PARD3B: variants seen among roughly 807,000 people sequenced by gnomAD.
PARD3B encodes the protein partitioning defective 3 homolog B.
In PARD3B, 103 loss-of-function variants were observed where a neutral mutation model predicts 130.2. That is an observed-to-expected ratio of 0.79 (90% CI 0.67 to 0.93). PARD3B has a LOEUF of 0.93. Ranked by LOEUF, PARD3B falls within the 40% of genes least tolerant of loss-of-function variation. PARD3B has a pLI of 0.00. For missense variants in PARD3B, 1,609 were observed against 1,499.2 expected (o/e 1.07, Z -1.21); for synonymous variants, 583 against 553.2 (o/e 1.05, Z -0.76).
chr2:204,933,776 A>C (rs1050356564), intron 2 of PARD3B, among the ~76,000 whole-genome samples: 2 of 152,082 alleles, frequency 1.3e-5, no homozygotes, highest in Non-Finnish European at 2.9e-5. Context: ...ACTTCAAGTT[A>C]CTTCTCTCTT....
At chr2:205,107,807 T>A (rs548268051) in intron 5 of PARD3B, among the ~76,000 whole-genome samples, 1 of 152,346 alleles carries the variant, frequency 6.6e-6, no homozygotes, top group South Asian at 2.1e-4. Context: ...GAAGCACCAC[T>A]CAACTTATTT....
At chr2:204,845,205 A>G (rs2044411014) in intron 2 of PARD3B, among the ~76,000 whole-genome samples, 1 of 152,174 alleles carries the variant, frequency 6.6e-6, no homozygotes, top group Admixed American at 6.6e-5. Flanking sequence ...TAAAAAGTGT[A>G]TGTAGCCACC....
At chr2:205,331,596 A>G (rs1382169622) in intron 18 of PARD3B, among the ~76,000 whole-genome samples, 2 of 151,912 alleles carry the variant, frequency 1.3e-5, no homozygotes, top group Non-Finnish European at 1.5e-5. Context: ...AGGCTGGCCA[A>G]CATGACAAAA....
intron 1 of PARD3B, among the ~76,000 whole-genome samples, chr2:204,657,226 T>C (rs187545196): frequency 1.3e-5 from 2 of 152,324 alleles, no homozygotes; most frequent in East Asian, 3.9e-4. Context: ...TACTTAACCA[T>C]ACATTAAGAA....
At chr2:205,148,776 A>G (rs1196743700) in intron 10 of PARD3B, among the ~76,000 whole-genome samples, 1 of 152,198 alleles carries the variant, frequency 6.6e-6, no homozygotes, top group African/African-American at 2.4e-5. Flanking sequence ...GTAATTGACA[A>G]AATGATTGCA....
intron 22 of PARD3B, among the ~76,000 whole-genome samples, chr2:205,603,623 T>A (rs2054875194): frequency 6.6e-6 from 1 of 152,226 alleles, no homozygotes; most frequent in South Asian, 2.1e-4. Context: ...TTTGTCTTTT[T>A]TATCTTTCTT....
chr2:204,999,670 A>G lies in PARD3B; in HGVS notation c.394+34347A>G, dbSNP rs544825548. On this transcript the variant is annotated intron_variant, in intron 3 of 22. Coordinates refer to ENST00000406610, the MANE Select transcript of PARD3B (RefSeq NM_001302769.2). ...CATTAAAGTGGTCTTCTTAATTGCTATAATATTCACAAGGAGCCTATTGGA... is the reference window on the plus strand; with the variant it reads ...CATTAAAGTGGTCTTCTTAATTGCTGTAATATTCACAAGGAGCCTATTGGA... Among the ~76,000 whole-genome samples, 7 of 152,330 alleles carry G rather than the reference A, an allele frequency of 4.6e-5. No homozygotes were observed. The East Asian group carries it at 7.7e-4, about 17-fold the overall frequency.
intron 1 of PARD3B, among the ~76,000 whole-genome samples, chr2:204,632,793 G>A (rs138829167): frequency 2.3e-4 from 35 of 152,294 alleles, no homozygotes; most frequent in African/African-American, 6.3e-4. Flanking sequence ...TCCTGGGTGG[G>A]CCATCACCCC....
chr2:205,223,488 G>T (rs1319027436), intron 15 of PARD3B, among the ~76,000 whole-genome samples: 1 of 152,158 alleles, frequency 6.6e-6, no homozygotes, highest in Non-Finnish European at 1.5e-5. Flanking sequence ...AGACCTGACG[G>T]CTGACTGGCT....
rs1215221508 is a variant in PARD3B at position 205,291,465 on chromosome 2, T to TA, written c.2186-9064dup. Among the ~76,000 whole-genome samples the TA allele has an allele frequency of 6.6e-6, 1 of 152,234 alleles. No individual in the cohort carries two copies. Among genetic ancestry groups the TA allele is most frequent in the East Asian group, 1.9e-4 (1 of 5,196 alleles). The stretch of plus-strand genomic sequence containing the variant: ...AAACTGGAGAAAAGACCATCCTCGA[T>TA]ATAAAGTAGCAAAGAACTTTGCTGA... On this transcript the variant is annotated intron_variant, in intron 16 of 22. Coordinates refer to ENST00000406610, the MANE Select transcript of PARD3B (RefSeq NM_001302769.2). The surrounding 1 kb of genome is among the most constrained non-coding windows in gnomAD (Gnocchi z 4.6).
chr2:205,601,738 CAT>C (rs1390078182), intron 22 of PARD3B, among the ~76,000 whole-genome samples: 8 of 151,880 alleles, frequency 5.3e-5, no homozygotes. Flanking sequence ...TTTCCCAGCA[CAT>C]TTATTAAATA....
chr2:204,563,394 T>TG lies in PARD3B; in HGVS notation c.120+17282dup, dbSNP rs566184192. On this transcript the variant is annotated intron_variant, in intron 1 of 22. Coordinates refer to ENST00000406610, the MANE Select transcript of PARD3B (RefSeq NM_001302769.2). The stretch of plus-strand genomic sequence containing the variant: ...ATAAGGTCACATTCATAGGTATGGG[T>TG]GGGGGGGACTGGGATCTCAACATAC... 8.3e-5 allele frequency among the ~76,000 whole-genome samples: 12 copies of TG among 145,126 alleles called. No individual in the cohort carries two copies. The East Asian group carries it at 1.4e-3, about 17-fold the overall frequency.
rs566255137 is a variant in PARD3B at position 204,783,283 on chromosome 2, G to C, written c.222+97001G>C. On this transcript the variant is annotated intron_variant, in intron 2 of 22. Coordinates refer to ENST00000406610, the MANE Select transcript of PARD3B (RefSeq NM_001302769.2). The stretch of plus-strand genomic sequence containing the variant: ...GTATATTAGTCAGGAATAGTTGTTG[G>C]TAATGCTTCTTTTTCTGACTTGTAG... Among the ~76,000 whole-genome samples, 6 of 152,192 alleles carry C rather than the reference G, an allele frequency of 3.9e-5. No homozygotes were observed. The South Asian group carries it at 1.2e-3, about 32-fold the overall frequency.
At chr2:205,056,493 T>A (rs1347973001) in intron 4 of PARD3B, among the ~76,000 whole-genome samples, 1 of 152,088 alleles carries the variant, frequency 6.6e-6, no homozygotes. Context: ...TGATGTCTGA[T>A]TAAATGATCG....
Position 205,158,578 on chromosome 2 carries a change from C to G in PARD3B, c.1435-144C>G. 1.3e-6 allele frequency: 1 copy of G among 791,696 alleles called. No individual in the cohort carries two copies. The highest frequency in any genetic ancestry group is 1.9e-5 in the South Asian group (1 of 53,664). The allele number at this position is 791,696 out of a possible 1,614,324, so 49.0% of individuals were successfully genotyped here. On this transcript the variant is annotated intron_variant, in intron 10 of 22. Coordinates refer to ENST00000406610, the MANE Select transcript of PARD3B (RefSeq NM_001302769.2). This position sits in a 1 kb window ranked among gnomAD's most constrained non-coding sequence, Gnocchi z 5.4. ...GCTCCTTGTGGAGAGCTAAACCCAG[C>G]CTTTGCCTGCCAGGAGCCGATTACA...
chr2:204,760,480 A>C (rs1455226598), intron 2 of PARD3B, among the ~76,000 whole-genome samples: 2 of 152,068 alleles, frequency 1.3e-5, no homozygotes, highest in African/African-American at 2.4e-5. Context: ...TTATATTGTG[A>C]TTAAAAAATC....
At chr2:204,617,457 T>A (rs966888375) in intron 1 of PARD3B, among the ~76,000 whole-genome samples, 4 of 152,160 alleles carry the variant, frequency 2.6e-5, no homozygotes, top group Non-Finnish European at 5.9e-5. Flanking sequence ...TTTGGGGAGA[T>A]GGACAGACCC....
rs577643383 is a variant in PARD3B, at chr2:205,213,840, TAAA to T, written c.2140+20521_2140+20523del. On this transcript the variant is annotated intron_variant, in intron 15 of 22. Coordinates refer to ENST00000406610, the MANE Select transcript of PARD3B (RefSeq NM_001302769.2). ...GGTCAAAGGCTTCAATTTCATTAAA[TAAA>T]GAAGAATGAAAGCAGTTGTTTAAAA... Among the ~76,000 whole-genome samples, 687 of 152,212 alleles carry T rather than the reference TAAA, an allele frequency of 4.5e-3. 7 individuals are homozygous for T. Among genetic ancestry groups the T allele is most frequent in the African/African-American group, 0.016 (648 of 41,552 alleles).
chr2:204,616,134 A>T (rs2034103963), intron 1 of PARD3B, among the ~76,000 whole-genome samples: 1 of 152,190 alleles, frequency 6.6e-6, no homozygotes. Flanking sequence ...GATTTTCATA[A>T]AACTAAGAAT....
Sources: allele counts gnomAD v4.1 joint callset (sites outside exome capture counted in the v4.1 genomes callset), GRCh38; gene constraint gnomAD v4.1.1; non-coding constraint Gnocchi (gnomAD v3.1); transcripts MANE v1.5; gene names NCBI Gene and HGNC (gene_info 2026-07-23, HGNC 2026-07-21).